The following WDR26 variants were observed in gnomAD, a reference collection of about 807,000 sequenced individuals.
The protein encoded by WDR26 is WD repeat-containing protein 26.
In WDR26, 5 loss-of-function variants were observed where a neutral mutation model predicts 84.1. The observed-to-expected ratio is 0.06, with a 90% CI of 0.03 to 0.13. The LOEUF is 0.13. Among genes scored for constraint, WDR26 ranks in the 10% least tolerant of loss-of-function variants. The probability of loss-of-function intolerance (pLI) is 1.00; values close to 1 mark genes in which losing one functional copy is unlikely to be tolerated. For missense variants in WDR26, 642 were observed against 974.9 expected, an observed-to-expected ratio of 0.66 and a Z score of 4.55; for synonymous variants, 415 against 389.6, an observed-to-expected ratio of 1.07 and a Z score of -0.77.
In WDR26 at chr1:224,388,770, C is replaced by T. The variant is rs572012946; in HGVS notation, c.*1065G>A. The T allele has an allele frequency of 3.9e-5, 6 of 152,708 alleles. No individual in the cohort carries two copies. Among genetic ancestry groups the T allele is most frequent in the South Asian group, 2.1e-4 (1 of 4,824 alleles). The allele number at this position is 152,708 out of a possible 1,614,324, so 9.5% of individuals were successfully genotyped here. A position where few individuals can be genotyped will look rare whatever the true frequency, so the allele number is the denominator to read the frequency against. On this transcript the variant is annotated 3_prime_UTR_variant, in exon 14 of 14. Coordinates refer to ENST00000414423, the MANE Select transcript of WDR26 (RefSeq NM_001379403.1). ...CTATAAACTTCCAAAGTGGTTGTAT[C>T]GCTGATTCCTACTCTTTTGCTAGAT...
chr1:224,402,159 G>A (rs1338303721), intron 8 of WDR26: 2 of 152,082 alleles, frequency 1.3e-5, no homozygotes, highest in Admixed American at 6.6e-5. Context: ...GAAAACAAAG[G>A]GTATGATTAG....
chr1:224,400,457 GAAA>G (rs1558420117), intron 9 of WDR26, among the ~76,000 whole-genome samples: 35 of 8,598 alleles, frequency 4.1e-3, no homozygotes, highest in African/African-American at 4.5e-3. Flanking sequence ...ATGTTTAAAA[GAAA>G]GGAAAAAAAT....
At chr1:224,393,149 T>C (rs1673172041) in intron 13 of WDR26, among the ~76,000 whole-genome samples, 1 of 152,224 alleles carries the variant, frequency 6.6e-6, no homozygotes, top group Non-Finnish European at 1.5e-5. Flanking sequence ...GGAAAAAACC[T>C]TTCAGACTTA....
chr1:224,413,921 T>C (rs1333815044), intron 6 of WDR26, among the ~76,000 whole-genome samples: 1 of 152,192 alleles, frequency 6.6e-6, no homozygotes, highest in Admixed American at 6.5e-5. Context: ...GTGATTCTCC[T>C]GCCTCAGCCT....
At chr1:224,433,444 C>G (rs1674465532) in intron 1 of WDR26, among the ~76,000 whole-genome samples, 1 of 152,104 alleles carries the variant, frequency 6.6e-6, no homozygotes, top group Non-Finnish European at 1.5e-5. Flanking sequence ...CCCTCAACGC[C>G]TGTCTCGTCT....
At chr1:224,419,338 ACT>A in intron 5 of WDR26, 178 bp downstream of exon 5, 2 of 554,836 alleles carry the variant, frequency 3.6e-6, no homozygotes, top group Non-Finnish European at 6.5e-6. Flanking sequence ...GTGCCCTTTC[ACT>A]GACTCCTGAG....
At chr1:224,424,913 C>T (rs1015798790) in intron 3 of WDR26, among the ~76,000 whole-genome samples, 4 of 152,162 alleles carry the variant, frequency 2.6e-5, no homozygotes, top group African/African-American at 9.7e-5. Flanking sequence ...GTGACTGAGG[C>T]ATCAGCCTTG....
At chr1:224,427,129 T>TAAAAAAAAAAA in intron 3 of WDR26, among the ~76,000 whole-genome samples, 1 of 114,928 alleles carries the variant, frequency 8.7e-6, no homozygotes. Context: ...AAAAAAAAAG[T>TAAAAAAAAAAA]TTCATTCCAT....
intron 6 of WDR26, 25 bp from the exon 7 acceptor site, chr1:224,411,590 A>G (rs1673737796): frequency 6.4e-7 from 1 of 1,563,284 alleles, no homozygotes; most frequent in Non-Finnish European, 8.6e-7. Flanking sequence ...TCCACAAATT[A>G]TTCTTTCAAA....
chr1:224,429,759 C>T (rs779365385), intron 3 of WDR26: 7 of 152,156 alleles, frequency 4.6e-5, no homozygotes, highest in Non-Finnish European at 8.8e-5. Context: ...AGGATTCCTC[C>T]TTATTATCTA....
chr1:224,398,129 T>C lies in WDR26; in HGVS notation c.2042A>G (p.His681Arg), dbSNP rs1315015186. The C allele has an allele frequency of 1.2e-6, 2 of 1,613,612 alleles. No individual in the cohort carries two copies. Among genetic ancestry groups the C allele is most frequent in the African/African-American group, 1.3e-5 (1 of 74,938 alleles). ...GCCACTAGCGATGAAGTCTTCATTA[T>C]GGCCTCCAAAACATGAATGAATTGT... is the stretch of plus-strand genomic sequence containing the variant. Residue 681 changes from histidine to arginine, a missense_variant, in exon 12 of 14, where the codon CAT becomes CGT. By Grantham distance (29) the His-to-Arg change is conservative. Around this residue, in one of 2 missense-constraint regions of WDR26, gnomAD observed 351 missense variants for 672.8 expected, o/e 0.52. Coordinates refer to ENST00000414423, the MANE Select transcript of WDR26 (RefSeq NM_001379403.1).
At chr1:224,417,245 T>C (rs1673931674) in intron 6 of WDR26, among the ~76,000 whole-genome samples, 1 of 152,254 alleles carries the variant, frequency 6.6e-6, no homozygotes, top group Non-Finnish European at 1.5e-5. Context: ...TTTGTCCTTA[T>C]TTATGTTACT....
At chr1:224,404,917 T>A (rs1673511563) in intron 7 of WDR26, among the ~76,000 whole-genome samples, 2 of 152,224 alleles carry the variant, frequency 1.3e-5, no homozygotes, top group African/African-American at 4.8e-5. Flanking sequence ...GAGCTATCTC[T>A]TACATATTTT....
chr1:224,398,057 T>A (rs1286411540), intron 12 of WDR26, 40 bp downstream of exon 12: 1 of 1,592,616 alleles, frequency 6.3e-7, no homozygotes, highest in African/African-American at 1.4e-5. Context: ...TTTACAGACT[T>A]TAATATCAAC....
chr1:224,390,808 G>A (rs2102883603), intron 13 of WDR26, among the ~76,000 whole-genome samples: 1 of 152,164 alleles, frequency 6.6e-6, no homozygotes, highest in South Asian at 2.1e-4. Context: ...AAACAAAAGT[G>A]TAAAATCAAT....
Position 224,388,505 on chromosome 1 carries a change from T to G in WDR26, c.*1330A>C, listed in dbSNP as rs1388619556. 6.6e-6 allele frequency: 1 copy of G among 152,472 alleles called. No individual in the cohort carries two copies. Among genetic ancestry groups the G allele is most frequent in the South Asian group, 2.1e-4 (1 of 4,836 alleles). 9.4% of individuals were successfully genotyped at this position (152,472 alleles called of 1,614,324 possible). A position where few individuals can be genotyped will look rare whatever the true frequency, so the allele number is the denominator to read the frequency against. On this transcript the variant is annotated 3_prime_UTR_variant, in exon 14 of 14. Transcript: ENST00000414423. ...TCTCAAAATTAAAAGTGCTTTTCCATGAAGGAAACCTTTCCTTAAACTAAA... is the reference window on the plus strand; with the variant it reads ...TCTCAAAATTAAAAGTGCTTTTCCAGGAAGGAAACCTTTCCTTAAACTAAA...
intron 7 of WDR26, among the ~76,000 whole-genome samples, chr1:224,410,527 A>C (rs1045130853): frequency 2.0e-5 from 3 of 152,044 alleles, no homozygotes; most frequent in Non-Finnish European, 4.4e-5. Context: ...TTAAATCCAG[A>C]ATAAAATACT....
chr1:224,401,436 C>T (rs897664330), intron 8 of WDR26, among the ~76,000 whole-genome samples: 1 of 152,024 alleles, frequency 6.6e-6, no homozygotes, highest in African/African-American at 2.4e-5. Context: ...TTCCACTTCT[C>T]AGTCCAAAGT....
chr1:224,432,778 C>A (rs987284875), intron 1 of WDR26, among the ~76,000 whole-genome samples: 6 of 152,176 alleles, frequency 3.9e-5, no homozygotes, highest in Admixed American at 6.5e-5. Context: ...ACGTCCTCCC[C>A]CCTTCATTTC....
Sources: gnomAD v4.1 joint callset for allele counts (sites outside exome capture counted in the v4.1 genomes callset) on GRCh38, gnomAD v4.1.1 for gene constraint, gnomAD v4.1.1 regional missense constraint, MANE v1.5 for transcripts, NCBI Gene and HGNC (gene_info 2026-07-23, HGNC 2026-07-21) for gene names.